The following C8orf34 variants were observed in gnomAD, a reference collection of about 807,000 sequenced individuals.
C8orf34 encodes the protein chromosome 8 open reading frame 34.
C8orf34 carries 65 observed loss-of-function variants against 68.3 expected under a neutral mutation model. The observed-to-expected ratio is 0.95, with a 90% CI of 0.78 to 1.17. The LOEUF is 1.17. Ranked by LOEUF, C8orf34 falls within the 50% of genes most tolerant of loss-of-function variation. The probability of loss-of-function intolerance (pLI) is 0.00; values close to 1 mark genes in which losing one functional copy is unlikely to be tolerated. For synonymous variants in C8orf34, 244 were observed against 241.2 expected (o/e 1.01, Z -0.11); for missense variants, 664 against 655.4 (o/e 1.01, Z -0.14).
At chr8:68,560,280 T>C (rs1294195070) in intron 7 of C8orf34, among the ~76,000 whole-genome samples, 5 of 142,422 alleles carry the variant, frequency 3.5e-5, no homozygotes, top group Non-Finnish European at 7.5e-5. Flanking sequence ...TTTTCATTTC[T>C]GATCATTTTT....
At chr8:68,721,928 C>A (rs971592996) in intron 10 of C8orf34, among the ~76,000 whole-genome samples, 1 of 151,836 alleles carries the variant, frequency 6.6e-6, no homozygotes, top group African/African-American at 2.4e-5. Flanking sequence ...AAATTTTTTA[C>A]AAATTCTAAA....
chr8:68,750,313 A>G (rs1052758449), intron 10 of C8orf34, among the ~76,000 whole-genome samples: 1 of 152,224 alleles, frequency 6.6e-6, no homozygotes, highest in African/African-American at 2.4e-5. Context: ...ACATGGAAGA[A>G]CATTGAAAAC....
chr8:68,687,738 G>A (rs372001641), intron 8 of C8orf34, among the ~76,000 whole-genome samples: 2 of 151,932 alleles, frequency 1.3e-5, no homozygotes, highest in African/African-American at 2.4e-5. Flanking sequence ...AAAAGCAAAT[G>A]CAAAGAAAAC....
intron 7 of C8orf34, among the ~76,000 whole-genome samples, chr8:68,600,722 G>T (rs1395784442): frequency 6.6e-6 from 1 of 152,036 alleles, no homozygotes; most frequent in Non-Finnish European, 1.5e-5. Flanking sequence ...CAATATTTGG[G>T]GTATTTATCA....
At chr8:68,573,347 CT>C (rs1456218492) in intron 7 of C8orf34, among the ~76,000 whole-genome samples, 1 of 152,088 alleles carries the variant, frequency 6.6e-6, no homozygotes, top group East Asian at 1.9e-4. Flanking sequence ...TTGTGCATCT[CT>C]GTCATTCCCA....
chr8:68,689,044 C>T (rs890680914), intron 8 of C8orf34, among the ~76,000 whole-genome samples: 1 of 151,834 alleles, frequency 6.6e-6, no homozygotes, highest in Non-Finnish European at 1.5e-5. Flanking sequence ...ATAAATACAC[C>T]ATGAAATACT....
intron 7 of C8orf34, among the ~76,000 whole-genome samples, chr8:68,576,066 A>G (rs1397726148): frequency 2.0e-5 from 3 of 150,628 alleles, no homozygotes; most frequent in Non-Finnish European, 4.4e-5. Flanking sequence ...GACCTGTACA[A>G]TAGTCTTGCT....
intron 7 of C8orf34, among the ~76,000 whole-genome samples, chr8:68,620,950 G>A (rs1204551685): frequency 6.6e-6 from 1 of 152,018 alleles, no homozygotes; most frequent in Non-Finnish European, 1.5e-5. Context: ...TGGAATGGAG[G>A]GAGTTGTTTA....
intron 3 of C8orf34, chr8:68,447,134 T>A (rs190067820): frequency 6.5e-6 from 1 of 153,128 alleles, no homozygotes; most frequent in East Asian, 1.9e-4. Context: ...GGTGCACGCA[T>A]CATATGGCGA....
At chr8:68,806,453 G>T (rs10086703) in intron 12 of C8orf34, among the ~76,000 whole-genome samples, 1 of 151,874 alleles carries the variant, frequency 6.6e-6, no homozygotes, top group African/African-American at 2.4e-5. Context: ...CTTTCAGCAC[G>T]TCAAAGATAT....
intron 1 of C8orf34, among the ~76,000 whole-genome samples, chr8:68,368,713 T>C (rs1458221455): frequency 6.6e-6 from 1 of 152,210 alleles, no homozygotes; most frequent in Admixed American, 6.5e-5. Flanking sequence ...TGTATTGAGA[T>C]TACCATATGA....
At chr8:68,613,447 C>CT (rs1175994022) in intron 7 of C8orf34, among the ~76,000 whole-genome samples, 1 of 150,366 alleles carries the variant, frequency 6.7e-6, no homozygotes, top group Non-Finnish European at 1.5e-5. Context: ...TCCCCCTCCC[C>CT]CCACACAACA....
At chr8:68,736,277 A>G (rs551138300) in intron 10 of C8orf34, among the ~76,000 whole-genome samples, 1 of 152,296 alleles carries the variant, frequency 6.6e-6, no homozygotes, top group South Asian at 2.1e-4. Flanking sequence ...TCAAAAATCA[A>G]TAACTAACAT....
intron 8 of C8orf34, among the ~76,000 whole-genome samples, chr8:68,674,581 G>T (rs1313500575): frequency 6.6e-6 from 1 of 151,894 alleles, no homozygotes; most frequent in Non-Finnish European, 1.5e-5. Context: ...CTTGAAGGCA[G>T]GCTATTTGAA....
intron 8 of C8orf34, among the ~76,000 whole-genome samples, chr8:68,644,160 G>A (rs775589356): frequency 6.6e-6 from 1 of 152,174 alleles, no homozygotes; most frequent in Non-Finnish European, 1.5e-5. Flanking sequence ...TATGAACTAA[G>A]TGGCATCACA....
intron 1 of C8orf34, among the ~76,000 whole-genome samples, chr8:68,407,386 C>T (rs1021858048): frequency 1.3e-5 from 2 of 152,160 alleles, no homozygotes; most frequent in Non-Finnish European, 2.9e-5. Flanking sequence ...CTGCTCCCTA[C>T]AGGCTAAGAT....
chr8:68,774,754 A>AC (rs1823458087), intron 10 of C8orf34, among the ~76,000 whole-genome samples: 1 of 151,340 alleles, frequency 6.6e-6, no homozygotes, highest in Admixed American at 6.6e-5. Flanking sequence ...TTTTTAAAAA[A>AC]AACTAAAATG....
chr8:68,565,112 A>C (rs2130204686), intron 7 of C8orf34, among the ~76,000 whole-genome samples: 1 of 152,220 alleles, frequency 6.6e-6, no homozygotes, highest in East Asian at 1.9e-4. Context: ...GTTCTTTTTG[A>C]GTTTTCAGAC....
At chr8:68,348,927 C>T (rs564498970) in intron 1 of C8orf34, among the ~76,000 whole-genome samples, 50 of 152,056 alleles carry the variant, frequency 3.3e-4, no homozygotes, top group Middle Eastern at 3.4e-3. Context: ...CAGAGTGTGA[C>T]TTCCTCTCTT....
Sources: allele counts gnomAD v4.1 joint callset (sites outside exome capture counted in the v4.1 genomes callset), GRCh38; gene constraint gnomAD v4.1.1; transcripts MANE v1.5; gene names NCBI Gene and HGNC (gene_info 2026-07-23, HGNC 2026-07-21).